FGG: variants seen among roughly 807,000 people sequenced by gnomAD.
FGG encodes the protein fibrinogen gamma chain, also known as fibrinogen, gamma polypeptide.
Under a neutral mutation model 51.7 loss-of-function variants are expected in FGG, and 20 were observed. That is an observed-to-expected ratio of 0.39 (90% confidence interval 0.27 to 0.56). The LOEUF is 0.56. Among genes scored for constraint, FGG ranks in the 20% least tolerant of loss-of-function variants. FGG has a pLI of 0.64. For synonymous variants in FGG, 184 were observed against 184.7 expected (o/e 1.00, Z 0.03); for missense variants, 460 against 534.2 (o/e 0.86, Z 1.37).
chr4:154,608,102 C>T (rs1336832005), intron 7 of FGG, among the ~76,000 whole-genome samples: 2 of 152,154 alleles, frequency 1.3e-5, no homozygotes, highest in African/African-American at 4.8e-5. Context: ...AGCAATGTGA[C>T]TTTGAGCAAG....
Position 154,604,263 on chromosome 4 carries a change from G to C in FGG, c.*571C>G, listed in dbSNP as rs1731053896. The C allele has an allele frequency of 1.7e-6, 2 of 1,201,904 alleles. No homozygotes were observed. Among genetic ancestry groups the C allele is most frequent in the Non-Finnish European group, 2.3e-6 (2 of 880,588 alleles). 74.5% of individuals were successfully genotyped at this position (1,201,904 alleles called of 1,614,324 possible). ...TGAAGTGAAGCTTTGCAAGTCCATT[G>C]TCCAATAGGAAAAATATTATATCTC... On this transcript the variant is annotated 3_prime_UTR_variant, in exon 9 of 9. Transcript: ENST00000336098.
At position 154,604,436 on chromosome 4, in the gene FGG, T is replaced by G. The variant is rs1327503281; in HGVS notation, c.*398A>C. ...AAAAAGAAGAATTAAATAGGAATGA[T>G]TTAGGGGTAATAAACAAGGAAAATA... On this transcript the variant is annotated 3_prime_UTR_variant, in exon 9 of 9. Coordinates refer to ENST00000336098, the MANE Select transcript of FGG (RefSeq NM_021870.3). 1.6e-6 allele frequency: 2 copies of G among 1,255,372 alleles called. No individual in the cohort carries two copies. Among genetic ancestry groups the G allele is most frequent in the Non-Finnish European group, 2.2e-6 (2 of 925,418 alleles). The allele number at this position is 1,255,372 out of a possible 1,614,324, so 77.8% of individuals were successfully genotyped here.
At chr4:154,609,200 T>C (rs1364879054) in intron 6 of FGG, among the ~76,000 whole-genome samples, 1 of 143,908 alleles carries the variant, frequency 6.9e-6, no homozygotes, top group Non-Finnish European at 1.5e-5. Context: ...AGGGTGGTGA[T>C]GGTGGTGGGG....
Position 154,612,444 on chromosome 4 carries a change from G to A in FGG, c.79-9C>T, listed in dbSNP as rs752111312. On this transcript the variant is annotated splice_polypyrimidine_tract_variant and intron_variant, in intron 1 of 8. Coordinates refer to ENST00000336098, the MANE Select transcript of FGG (RefSeq NM_021870.3). ...TCTCTGGTAGCAACATACTAAAAGAGAAAAAATACAGAAATTTCACTAGTT... is the reference window on the plus strand; with the variant it reads ...TCTCTGGTAGCAACATACTAAAAGAAAAAAAATACAGAAATTTCACTAGTT... The A allele has an allele frequency of 3.7e-6, 6 of 1,613,710 alleles. No homozygotes were observed. The highest frequency in any genetic ancestry group is 5.1e-6 in the Non-Finnish European group (6 of 1,179,846).
At chr4:154,609,020 G>A (rs1731153105) in intron 6 of FGG, among the ~76,000 whole-genome samples, 1 of 152,150 alleles carries the variant, frequency 6.6e-6, no homozygotes. Context: ...GGCAACTAAT[G>A]CTTCCACCAT....
At chr4:154,608,727 T>C (rs1731147945) in intron 6 of FGG, 77 bp from the exon 7 acceptor site, 1 of 1,378,448 alleles carries the variant, frequency 7.3e-7, no homozygotes, top group Admixed American at 1.7e-5. Flanking sequence ...CAACATTTTG[T>C]CAAAAATACA....
At chr4:154,608,688 A>T in intron 6 of FGG, 38 bp from the exon 7 acceptor site, 1 of 1,551,486 alleles carries the variant, frequency 6.4e-7, no homozygotes, top group Non-Finnish European at 8.8e-7. Flanking sequence ...GAGAAAATAG[A>T]CTATCAATGC....
rs766548308 is a variant in FGG at position 154,606,920 on chromosome 4, G to C, written c.914C>G (p.Ala305Gly). 4 of 1,613,712 alleles carry C rather than the reference G, an allele frequency of 2.5e-6. No homozygotes were observed. The South Asian group carries it at 4.4e-5, about 18-fold the overall frequency. Reference protein sequence around the residue: ...PEADKYRLTYAYFAGGDAGDA... With the variant: ...PEADKYRLTYGYFAGGDAGDA... ...TCCAGCATCCCCACCAGCGAAGTAGGCATATGTTAGGCGGTACTTGTCAGC... is the reference window on the plus strand; with the variant it reads ...TCCAGCATCCCCACCAGCGAAGTAGCCATATGTTAGGCGGTACTTGTCAGC... Residue 305 changes from alanine to glycine, a missense_variant, in exon 8 of 9, where the codon GCC becomes GGC. Coordinates refer to ENST00000336098, the MANE Select transcript of FGG (RefSeq NM_021870.3).
chr4:154,610,910 A>G (rs1442572373), intron 4 of FGG, among the ~76,000 whole-genome samples: 1 of 152,186 alleles, frequency 6.6e-6, no homozygotes, highest in Non-Finnish European at 1.5e-5. Flanking sequence ...AAAACTGTCT[A>G]CAATGCATAA....
intron 6 of FGG, among the ~76,000 whole-genome samples, 188 bp from the exon 7 acceptor site, chr4:154,608,838 G>C (rs1731150050): frequency 6.6e-6 from 1 of 152,172 alleles, no homozygotes; most frequent in South Asian, 2.1e-4. Context: ...TCTTAGGGTT[G>C]CTGCAAGGAT....
chr4:154,608,437 A>G, intron 7 of FGG, 29 bp downstream of exon 7: 4 of 1,606,808 alleles, frequency 2.5e-6, no homozygotes, highest in Non-Finnish European at 3.4e-6. Context: ...CTTTACAATA[A>G]AAAGTTGGAA....
At chr4:154,605,151 G>A in intron 8 of FGG, 85 bp from the exon 9 acceptor site, 2 of 1,394,924 alleles carry the variant, frequency 1.4e-6, no homozygotes, top group Non-Finnish European at 2.0e-6. Flanking sequence ...ATTACGAAGT[G>A]CATTGCCAGT....
At chr4:154,609,511 C>A in intron 6 of FGG, 119 bp downstream of exon 6, 2 of 1,234,250 alleles carry the variant, frequency 1.6e-6, no homozygotes, top group Non-Finnish European at 2.4e-6. Flanking sequence ...GTACCTTCCT[C>A]TTAGGGCTAT....
chr4:154,611,544 T>C (rs1731211730), intron 4 of FGG: 1 of 269,164 alleles, frequency 3.7e-6, no homozygotes, highest in African/African-American at 2.2e-5. Flanking sequence ...GAAAAAATTT[T>C]TGATAAATAT....
rs1731147104 is a variant in FGG at position 154,608,695 on chromosome 4, A to G, written c.667-45T>C. 2.0e-6 allele frequency: 3 copies of G among 1,527,778 alleles called. No homozygotes were observed. The East Asian group carries it at 6.7e-5, about 34-fold the overall frequency. 94.6% of individuals were successfully genotyped at this position (1,527,778 alleles called of 1,614,324 possible). A position where few individuals can be genotyped will look rare whatever the true frequency, so the allele number is the denominator to read the frequency against. On this transcript the variant is annotated intron_variant, in intron 6 of 8. Coordinates refer to ENST00000336098, the MANE Select transcript of FGG (RefSeq NM_021870.3). ...AGCAAAAGGAGAAAATAGACTATCA[A>G]TGCATGTAAAGAGAATGCTGTCAAC...
rs749095294 is a variant in FGG, at chr4:154,604,930, T to C, written c.1266A>G (p.Glu422=). The C allele has an allele frequency of 6.2e-7, 1 of 1,614,120 alleles. No homozygotes were observed. The highest frequency in any genetic ancestry group is 8.5e-7 in the Non-Finnish European group (1 of 1,179,970). Residue 422 remains glutamate (E), a synonymous_variant, in exon 9 of 9, where the codon GAA becomes GAG. Coordinates refer to ENST00000336098, the MANE Select transcript of FGG (RefSeq NM_021870.3). ...IIPFNRLTIG[E]GQQHHLGGAK... ...CTCCCCCCAGGTGGTGTTGCTGTCC[T>C]TCTCCAATTGTGAGTCTGTTGAATG...
intron 6 of FGG, 31 bp downstream of exon 6, chr4:154,609,599 T>C: frequency 6.2e-7 from 1 of 1,613,264 alleles, no homozygotes; most frequent in Non-Finnish European, 8.5e-7. Flanking sequence ...TGTAGGAATT[T>C]ATTAAATACA....
rs967100297 is a variant in FGG, at chr4:154,604,742, T to C, written c.*92A>G. ...GGCTAAATGTCCTTAATAGAAGACTTGAAATCAATAAATATAGTAAGAGAA... is the reference window on the plus strand; with the variant it reads ...GGCTAAATGTCCTTAATAGAAGACTCGAAATCAATAAATATAGTAAGAGAA... On this transcript the variant is annotated 3_prime_UTR_variant, in exon 9 of 9. Coordinates refer to ENST00000336098, the MANE Select transcript of FGG (RefSeq NM_021870.3). 6.9e-6 allele frequency: 11 copies of C among 1,583,896 alleles called. No individual in the cohort carries two copies. Among genetic ancestry groups the C allele is most frequent in the South Asian group, 1.1e-5 (1 of 87,952 alleles).
At chr4:154,605,135 C>T in intron 8 of FGG, 69 bp from the exon 9 acceptor site, 7 of 1,545,874 alleles carry the variant, frequency 4.5e-6, no homozygotes, top group Non-Finnish European at 6.2e-6. Flanking sequence ...CTATGAAGAG[C>T]TGTCTATTAC....
Sources: gnomAD v4.1 joint callset for allele counts (sites outside exome capture counted in the v4.1 genomes callset) on GRCh38, gnomAD v4.1.1 for gene constraint, MANE v1.5 for transcripts, NCBI Gene and HGNC (gene_info 2026-07-23, HGNC 2026-07-21) for gene names.